Variants in UEVLD observed in about 807,000 individuals in gnomAD.
The protein encoded by UEVLD is ubiquitin-conjugating enzyme E2 variant 3.
A neutral mutation model predicts 58.6 loss-of-function variants in UEVLD; 47 were observed. That is an observed-to-expected ratio of 0.80 (90% CI 0.63 to 1.02). UEVLD has a LOEUF of 1.02. UEVLD is among the 50% of genes least tolerant of loss of function. The pLI, the probability that UEVLD is intolerant of heterozygous loss-of-function variation, is 0.00. For missense variants in UEVLD, 510 were observed against 550.6 expected, an observed-to-expected ratio of 0.93 and a Z score of 0.74; for synonymous variants, 197 against 195.3, an observed-to-expected ratio of 1.01 and a Z score of -0.07.
chr11:18,532,510 T>G lies in UEVLD; in HGVS notation c.1249-23A>C, dbSNP rs1437582444. ...TCCCTGAAATGAGAAAAATAGGGAT[T>G]TAATAGAACTAAATCATTGCAAAGA... On this transcript the variant is annotated intron_variant, in intron 11 of 11. Transcript: ENST00000396197. 3 of 1,547,318 alleles carry G rather than the reference T, an allele frequency of 1.9e-6. No homozygotes were observed. The South Asian group carries it at 3.6e-5, about 18-fold the overall frequency.
rs931883441 is a variant in UEVLD at position 18,532,542 on chromosome 11, T to C, written c.1249-55A>G. The C allele has an allele frequency of 3.6e-6, 5 of 1,375,966 alleles. No homozygotes were observed. The African/African-American group carries it at 4.5e-5, about 12-fold the overall frequency. 85.2% of individuals were successfully genotyped at this position (1,375,966 alleles called of 1,614,324 possible). A position where few individuals can be genotyped will look rare whatever the true frequency, so the allele number is the denominator to read the frequency against. On this transcript the variant is annotated intron_variant, in intron 11 of 11. Coordinates refer to ENST00000396197, the MANE Select transcript of UEVLD (RefSeq NM_001040697.4). ...AACTAAATCATTGCAAAGAAGTTAA[T>C]ACAAAAATGCATACTTTCTTGCTTT...
intron 2 of UEVLD, among the ~76,000 whole-genome samples, chr11:18,577,152 C>T (rs190231053): frequency 3.9e-5 from 6 of 152,332 alleles, no homozygotes; most frequent in Admixed American, 3.9e-4. Context: ...CACTGCACTG[C>T]AGCCTGGGCA....
At position 18,562,093 on chromosome 11, in the gene UEVLD, AT is replaced by A. The variant is rs538799205; in HGVS notation, c.612+2798del. Reference sequence around the variant, plus strand: ...ATTAACGTCTAAAAAGAAAAACAGAATTTTTTTTTGAGACAGGGTCTCACTG... The same window carrying A: ...ATTAACGTCTAAAAAGAAAAACAGAATTTTTTTTGAGACAGGGTCTCACTG... On this transcript the variant is annotated intron_variant, in intron 6 of 11. Coordinates refer to ENST00000396197, the MANE Select transcript of UEVLD (RefSeq NM_001040697.4). Among the ~76,000 whole-genome samples, 62 of 151,786 alleles carry A rather than the reference AT, an allele frequency of 4.1e-4. No individual in the cohort carries two copies. In the South Asian group the frequency reaches 0.012, roughly 30 times the overall value.
At position 18,576,280 on chromosome 11, in the gene UEVLD, C is replaced by T. The variant is rs565189728; in HGVS notation, c.128-868G>A. ...AAAAATTATGGTTTATGGCCGGGCA[C>T]GGTGGCTCACACCTGTAATCCCAGC... On this transcript the variant is annotated intron_variant, in intron 2 of 11. Transcript: ENST00000396197. Among the ~76,000 whole-genome samples the T allele has an allele frequency of 5.9e-5, 9 of 152,242 alleles. No homozygotes were observed. In the South Asian group the frequency reaches 6.2e-4, roughly 11 times the overall value.
At chr11:18,561,874 G>C (rs1852053258) in intron 6 of UEVLD, among the ~76,000 whole-genome samples, 1 of 151,292 alleles carries the variant, frequency 6.6e-6, no homozygotes. Context: ...ACTCCAGCCT[G>C]GGTGACTGAG....
intron 2 of UEVLD, among the ~76,000 whole-genome samples, chr11:18,576,438 A>G (rs1852915010): frequency 6.6e-6 from 1 of 152,126 alleles, no homozygotes; most frequent in African/African-American, 2.4e-5. Flanking sequence ...AGGCAGGAGA[A>G]TAACTTGAAG....
intron 3 of UEVLD, among the ~76,000 whole-genome samples, chr11:18,574,050 G>T (rs1329130239): frequency 6.6e-6 from 1 of 152,062 alleles, no homozygotes; most frequent in Admixed American, 6.6e-5. Flanking sequence ...TAACTCCACT[G>T]TTCAACAAAT....
chr11:18,541,274 G>T (rs1213157800), intron 9 of UEVLD, among the ~76,000 whole-genome samples: 3 of 152,178 alleles, frequency 2.0e-5, no homozygotes, highest in Admixed American at 1.3e-4. Flanking sequence ...TAGTTAAAAA[G>T]AATGAATGAG....
intron 2 of UEVLD, among the ~76,000 whole-genome samples, chr11:18,577,999 T>C (rs10832947): frequency 0.15 from 22,077 of 152,164 alleles, 1,995 homozygotes; most frequent in Non-Finnish European, 0.2. Context: ...CATATACATA[T>C]GATAGGCCGA....
At chr11:18,548,958 C>T (rs1026372672) in intron 7 of UEVLD, among the ~76,000 whole-genome samples, 4 of 152,178 alleles carry the variant, frequency 2.6e-5, no homozygotes, top group Non-Finnish European at 5.9e-5. Context: ...AATTAGAAGA[C>T]ATTAGAACTG....
At chr11:18,551,620 C>T (rs542953043) in intron 7 of UEVLD, among the ~76,000 whole-genome samples, 2 of 152,044 alleles carry the variant, frequency 1.3e-5, no homozygotes, top group African/African-American at 2.4e-5. Context: ...AGAATGAGAC[C>T]GCCTGGTTCA....
rs906316603 is a variant in UEVLD at position 18,532,206 on chromosome 11, G to C, written c.*114C>G. On this transcript the variant is annotated 3_prime_UTR_variant, in exon 12 of 12. Coordinates refer to ENST00000396197, the MANE Select transcript of UEVLD (RefSeq NM_001040697.4). ...TCAAGAAACCCTCTACTTTAACCAA[G>C]CAGTTTGTAAAAGTAAGTAGCAGGA... The C allele has an allele frequency of 2.6e-5, 26 of 990,292 alleles. No homozygotes were observed. Among genetic ancestry groups the C allele is most frequent in the Middle Eastern group, 2.3e-4 (1 of 4,300 alleles). The allele number at this position is 990,292 out of a possible 1,614,324, so 61.3% of individuals were successfully genotyped here.
At chr11:18,538,280 CTTTT>C (rs757843063) in intron 9 of UEVLD, among the ~76,000 whole-genome samples, 1 of 141,014 alleles carries the variant, frequency 7.1e-6, no homozygotes, top group African/African-American at 2.6e-5. Context: ...TGCACATATT[CTTTT>C]TTTTTTTTTT....
At chr11:18,545,058 C>CTA (rs1234846892) in intron 8 of UEVLD, among the ~76,000 whole-genome samples, 1 of 24,258 alleles carries the variant, frequency 4.1e-5, no homozygotes, top group Non-Finnish European at 8.6e-5. Flanking sequence ...ATATCTATAT[C>CTA]TATATCTATA....
intron 7 of UEVLD, among the ~76,000 whole-genome samples, chr11:18,557,053 T>C (rs1228235793): frequency 7.0e-6 from 1 of 142,216 alleles, no homozygotes; most frequent in Non-Finnish European, 1.5e-5. Context: ...ATCATGCCAC[T>C]GCACTCACGC....
At chr11:18,555,316 C>T (rs1398915550) in intron 7 of UEVLD, among the ~76,000 whole-genome samples, 6 of 152,034 alleles carry the variant, frequency 3.9e-5, no homozygotes, top group Non-Finnish European at 8.8e-5. Context: ...GTCCCAGCTA[C>T]TCGGGAGGCT....
At chr11:18,551,565 CTA>C (rs1791657678) in intron 7 of UEVLD, among the ~76,000 whole-genome samples, 1 of 152,126 alleles carries the variant, frequency 6.6e-6, no homozygotes, top group Admixed American at 6.6e-5. Context: ...TGTCCCTACT[CTA>C]TATATCACAC....
In UEVLD at chr11:18,552,406, G is replaced by A. The variant is rs955468707; in HGVS notation, c.716-5356C>T. On this transcript the variant is annotated intron_variant, in intron 7 of 11. Coordinates refer to ENST00000396197, the MANE Select transcript of UEVLD (RefSeq NM_001040697.4). ...TACTAAAAATACAAAAATTAGCCAG[G>A]TGTGATGGTGTGCACCTGTAATCCC... is the stretch of plus-strand genomic sequence containing the variant. 2.0e-5 allele frequency among the ~76,000 whole-genome samples: 3 copies of A among 152,034 alleles called. No homozygotes were observed. In the South Asian group the frequency reaches 6.2e-4, roughly 32 times the overall value.
chr11:18,583,652 T>C (rs1394171855), intron 1 of UEVLD, among the ~76,000 whole-genome samples: 2 of 145,024 alleles, frequency 1.4e-5, no homozygotes, highest in East Asian at 2.1e-4. Context: ...TTAAGTCCAG[T>C]ATTACTTTTT....
Sources: allele counts gnomAD v4.1 joint callset (sites outside exome capture counted in the v4.1 genomes callset), GRCh38; gene constraint gnomAD v4.1.1; transcripts MANE v1.5; gene names NCBI Gene and HGNC (gene_info 2026-07-23, HGNC 2026-07-21).